The following SNTG1 variants were observed in gnomAD, a reference collection of about 807,000 sequenced individuals.
SNTG1 encodes gamma-1-syntrophin.
SNTG1 carries 39 observed loss-of-function variants against 74.7 expected under a neutral mutation model. The ratio of observed to expected loss-of-function variants is 0.52; its 90% CI spans 0.40 to 0.68. The LOEUF is 0.68. Among genes scored for constraint, SNTG1 ranks in the 30% least tolerant of loss-of-function variants. The probability of loss-of-function intolerance (pLI) is 0.00; values close to 1 mark genes in which losing one functional copy is unlikely to be tolerated. For missense variants in SNTG1, 685 were observed against 609.5 expected (o/e 1.12, Z -1.30); for synonymous variants, 254 against 217.1 (o/e 1.17, Z -1.49).
At chr8:50,716,816 T>G (rs2095476191) in intron 17 of SNTG1, among the ~76,000 whole-genome samples, 2 of 151,436 alleles carry the variant, frequency 1.3e-5, no homozygotes, top group Admixed American at 1.3e-4. Flanking sequence ...CACTGCAAGC[T>G]CCACCTCCCG....
intron 15 of SNTG1, among the ~76,000 whole-genome samples, chr8:50,665,480 G>C (rs1038465019): frequency 9.2e-5 from 14 of 151,824 alleles, no homozygotes; most frequent in African/African-American, 3.1e-4. Context: ...AAAATATCTG[G>C]GGTCAGAGAG....
intron 13 of SNTG1, among the ~76,000 whole-genome samples, chr8:50,632,995 C>A (rs181540512): frequency 6.6e-6 from 1 of 152,108 alleles, no homozygotes; most frequent in South Asian, 2.1e-4. Context: ...TTTGTCAGTG[C>A]GGCTGAAATG....
At chr8:50,154,572 G>T (rs1003861315) in intron 1 of SNTG1, among the ~76,000 whole-genome samples, 5 of 152,148 alleles carry the variant, frequency 3.3e-5, no homozygotes, top group Non-Finnish European at 7.4e-5. Context: ...CAAGGTATAT[G>T]TTACCAGAAA....
Position 50,462,165 on chromosome 8 carries a change from G to T in SNTG1, c.363+11436G>T. Among the ~76,000 whole-genome samples, 2 of 136,254 alleles carry T rather than the reference G, an allele frequency of 1.5e-5. 1 individual carries two copies. Among genetic ancestry groups the T allele is most frequent in the Non-Finnish European group, 3.3e-5 (2 of 60,720 alleles). The allele number at this position is 136,254 out of a possible 152,430, so 89.4% of individuals were successfully genotyped here. On this transcript the variant is annotated intron_variant, in intron 8 of 18. Transcript: ENST00000642720. ...TTGAAGTCAAAATAAAAAATAAAAA[G>T]ATAAAAAAGAGAATATCACACTAAA...
intron 1 of SNTG1, among the ~76,000 whole-genome samples, chr8:50,101,884 G>A (rs1444956005): frequency 1.3e-4 from 20 of 151,910 alleles, no homozygotes; most frequent in Middle Eastern, 3.4e-3. Flanking sequence ...CAAAGGACAC[G>A]AACTCATCAT....
intron 1 of SNTG1, among the ~76,000 whole-genome samples, chr8:49,996,850 A>C (rs1165628648): frequency 6.6e-6 from 1 of 152,016 alleles, no homozygotes. Context: ...TCATAATTAC[A>C]TAGTTTTTAG....
At chr8:50,520,713 CACA>C (rs1352747344) in intron 9 of SNTG1, among the ~76,000 whole-genome samples, 4 of 152,086 alleles carry the variant, frequency 2.6e-5, no homozygotes, top group Non-Finnish European at 5.9e-5. Context: ...AAAACAAAAT[CACA>C]ACGAGATACC....
chr8:50,708,542 T>C (rs1278686548), intron 16 of SNTG1: 2 of 205,064 alleles, frequency 9.8e-6, no homozygotes, highest in African/African-American at 4.6e-5. Context: ...AAATAACAAC[T>C]TAACATAAAC....
At chr8:50,083,391 C>T (rs1822587673) in intron 1 of SNTG1, among the ~76,000 whole-genome samples, 1 of 152,088 alleles carries the variant, frequency 6.6e-6, no homozygotes, top group South Asian at 2.1e-4. Flanking sequence ...AAATACATTG[C>T]TCAATAATTG....
Position 50,122,880 on chromosome 8 carries a change from T to C in SNTG1, c.-102-49681T>C, listed in dbSNP as rs1444169700. Among the ~76,000 whole-genome samples, 2 of 142,520 alleles carry C rather than the reference T, an allele frequency of 1.4e-5. 1 individual carries two copies. The highest frequency in any genetic ancestry group is 5.1e-5 in the African/African-American group (2 of 39,390). The allele number at this position is 142,520 out of a possible 152,430, so 93.5% of individuals were successfully genotyped here. A position where few individuals can be genotyped will look rare whatever the true frequency, so the allele number is the denominator to read the frequency against. ...CACCAAACCAATAGAGAGAAAAACC[T>C]GATTGCTTTGCATATAAAATGGGAA... On this transcript the variant is annotated intron_variant, in intron 1 of 18. Coordinates refer to ENST00000642720, the MANE Select transcript of SNTG1 (RefSeq NM_018967.5).
intron 1 of SNTG1, among the ~76,000 whole-genome samples, chr8:50,116,145 A>G (rs1020504507): frequency 2.0e-5 from 3 of 152,206 alleles, no homozygotes; most frequent in African/African-American, 7.2e-5. Context: ...AAAAGAAAAT[A>G]CGCTATAGGC....
At chr8:49,953,257 C>T (rs1165515307) in intron 1 of SNTG1, among the ~76,000 whole-genome samples, 1 of 152,192 alleles carries the variant, frequency 6.6e-6, no homozygotes, top group Admixed American at 6.5e-5. Flanking sequence ...CAAAGCCCCT[C>T]CTCCTCTTGT....
At chr8:50,364,864 A>C (rs2092063576) in intron 2 of SNTG1, among the ~76,000 whole-genome samples, 1 of 152,104 alleles carries the variant, frequency 6.6e-6, no homozygotes, top group Non-Finnish European at 1.5e-5. Flanking sequence ...AATTAATAGT[A>C]ATTATGTGTT....
At chr8:50,315,867 C>A (rs2090297864) in intron 2 of SNTG1, among the ~76,000 whole-genome samples, 1 of 152,072 alleles carries the variant, frequency 6.6e-6, no homozygotes, top group African/African-American at 2.4e-5. Flanking sequence ...TGCTGATAAG[C>A]ACATGTCTAC....
intron 13 of SNTG1, among the ~76,000 whole-genome samples, chr8:50,650,993 GC>G (rs1205373904): frequency 2.0e-5 from 3 of 152,052 alleles, no homozygotes; most frequent in Non-Finnish European, 4.4e-5. Flanking sequence ...GAGCCACTGC[GC>G]CTGGCCTCTC....
At chr8:49,940,355 T>C (rs1552380) in intron 1 of SNTG1, among the ~76,000 whole-genome samples, 1 of 151,990 alleles carries the variant, frequency 6.6e-6, no homozygotes, top group Non-Finnish European at 1.5e-5. Flanking sequence ...TGGTGGTTGG[T>C]TAGCTTAGCG....
At chr8:49,987,069 A>G (rs988534904) in intron 1 of SNTG1, among the ~76,000 whole-genome samples, 3 of 152,334 alleles carry the variant, frequency 2.0e-5, no homozygotes, top group African/African-American at 7.2e-5. Context: ...AGTATGACAA[A>G]TTACATTTTG....
At chr8:50,766,060 T>C (rs1367713060) in intron 18 of SNTG1, among the ~76,000 whole-genome samples, 2 of 151,966 alleles carry the variant, frequency 1.3e-5, no homozygotes, top group East Asian at 3.9e-4. Context: ...TGAGTTGCAG[T>C]GGATTCTATT....
At chr8:50,742,284 G>A (rs771478372) in intron 17 of SNTG1, among the ~76,000 whole-genome samples, 21 of 151,916 alleles carry the variant, frequency 1.4e-4, no homozygotes, top group Non-Finnish European at 2.8e-4. Flanking sequence ...CACAAAATAC[G>A]TCATGATAGA....
Sources: gnomAD v4.1 joint callset for allele counts (sites outside exome capture counted in the v4.1 genomes callset) on GRCh38, gnomAD v4.1.1 for gene constraint, MANE v1.5 for transcripts, NCBI Gene and HGNC (gene_info 2026-07-23, HGNC 2026-07-21) for gene names.